Variants in NPAS3 observed in about 807,000 individuals in gnomAD.
NPAS3 encodes the protein neuronal PAS domain-containing protein 3.
NPAS3 carries 14 observed loss-of-function variants against 73.1 expected under a neutral mutation model. That is an observed-to-expected ratio of 0.19 (90% confidence interval 0.13 to 0.30). The LOEUF is 0.30. Ranked by LOEUF, NPAS3 falls within the 10% of genes least tolerant of loss-of-function variation. The probability of loss-of-function intolerance (pLI) is 1.00; values close to 1 mark genes in which losing one functional copy is unlikely to be tolerated. For missense variants in NPAS3, 1,096 were observed against 1,250.0 expected, an observed-to-expected ratio of 0.88 and a Z score of 1.86; for synonymous variants, 620 against 541.5, an observed-to-expected ratio of 1.14 and a Z score of -2.01.
At chr14:33,602,562 C>T (rs541602616) in intron 5 of NPAS3, among the ~76,000 whole-genome samples, 3 of 152,314 alleles carry the variant, frequency 2.0e-5, no homozygotes, top group African/African-American at 7.2e-5. Context: ...TCTTGCGCTG[C>T]AGCAGAAGGG....
At chr14:33,662,126 A>C (rs2059325641) in intron 5 of NPAS3, among the ~76,000 whole-genome samples, 1 of 152,198 alleles carries the variant, frequency 6.6e-6, no homozygotes, top group African/African-American at 2.4e-5. Flanking sequence ...TCACAACCTA[A>C]AGCAAAACTT....
intron 2 of NPAS3, among the ~76,000 whole-genome samples, chr14:33,161,700 A>G (rs1351972737): frequency 6.6e-6 from 1 of 152,224 alleles, no homozygotes; most frequent in African/African-American, 2.4e-5. Context: ...CTTGTAGCCA[A>G]GCGGTACAGG....
intron 3 of NPAS3, among the ~76,000 whole-genome samples, chr14:33,332,732 G>A (rs1267013231): frequency 6.6e-6 from 1 of 152,118 alleles, no homozygotes; most frequent in Admixed American, 6.5e-5. Flanking sequence ...ATGGCTGGAT[G>A]GCATCATGCC....
chr14:33,131,175 C>G (rs2139106944), intron 2 of NPAS3, among the ~76,000 whole-genome samples: 1 of 152,110 alleles, frequency 6.6e-6, no homozygotes, highest in South Asian at 2.1e-4. Flanking sequence ...CTTTTTTCCT[C>G]AAGGAAAAAC....
At chr14:33,206,459 G>A (rs1261427517) in intron 2 of NPAS3, among the ~76,000 whole-genome samples, 1 of 152,110 alleles carries the variant, frequency 6.6e-6, no homozygotes, top group Non-Finnish European at 1.5e-5. Context: ...GGGGATGGGT[G>A]TAGAAAGTTG....
chr14:33,008,812 C>G (rs2039088049), intron 1 of NPAS3, among the ~76,000 whole-genome samples: 1 of 152,052 alleles, frequency 6.6e-6, no homozygotes, highest in Non-Finnish European at 1.5e-5. Flanking sequence ...AATAACTTAG[C>G]AAAGGTAATA....
intron 2 of NPAS3, among the ~76,000 whole-genome samples, chr14:33,150,030 T>A (rs113051850): frequency 0.18 from 28,047 of 152,024 alleles, 2,679 homozygotes; most frequent in East Asian, 0.23. Context: ...AGTGAGAACA[T>A]GCAGTGTTTG....
intron 3 of NPAS3, among the ~76,000 whole-genome samples, chr14:33,286,422 TA>T (rs1040509676): frequency 6.6e-6 from 1 of 152,202 alleles, no homozygotes; most frequent in Non-Finnish European, 1.5e-5. Context: ...ATAGTTGTTT[TA>T]AAAAAATTCC....
intron 5 of NPAS3, among the ~76,000 whole-genome samples, chr14:33,656,041 TC>T (rs1397527257): frequency 6.6e-6 from 1 of 152,218 alleles, no homozygotes; most frequent in African/African-American, 2.4e-5. Flanking sequence ...CAGATGCCTC[TC>T]TTGTCTCTAT....
At chr14:33,293,603 G>C (rs540113988) in intron 3 of NPAS3, among the ~76,000 whole-genome samples, 2 of 152,252 alleles carry the variant, frequency 1.3e-5, no homozygotes, top group East Asian at 3.9e-4. Context: ...CTAATACAAC[G>C]CTGAGTAATA....
At chr14:33,771,915 A>G (rs1441698616) in intron 7 of NPAS3, among the ~76,000 whole-genome samples, 3 of 152,222 alleles carry the variant, frequency 2.0e-5, no homozygotes, top group African/African-American at 7.2e-5. Context: ...CAAGACATGG[A>G]AACATAGTTC....
At chr14:32,948,323 T>C (rs1394108266) in intron 1 of NPAS3, among the ~76,000 whole-genome samples, 4 of 152,140 alleles carry the variant, frequency 2.6e-5, no homozygotes, top group African/African-American at 9.7e-5. Flanking sequence ...GTAGATATAT[T>C]GCATCCTAAT....
At chr14:33,187,835 C>T (rs966785204) in intron 2 of NPAS3, among the ~76,000 whole-genome samples, 1 of 152,180 alleles carries the variant, frequency 6.6e-6, no homozygotes, top group African/African-American at 2.4e-5. Flanking sequence ...TTAATCATCA[C>T]GGCAACTATA....
chr14:32,960,116 A>C (rs17099759), intron 1 of NPAS3, among the ~76,000 whole-genome samples: 46,006 of 151,818 alleles, frequency 0.3, 7,496 homozygotes, highest in African/African-American at 0.4. Flanking sequence ...TGATAGTAAT[A>C]AAACATGTGG....
chr14:33,548,955 T>C (rs970327026), intron 4 of NPAS3, among the ~76,000 whole-genome samples: 9 of 152,256 alleles, frequency 5.9e-5, no homozygotes, highest in Admixed American at 1.3e-4. Context: ...GACATGTATA[T>C]GGTAGCATTA....
chr14:33,057,418 T>G (rs2138545846), intron 2 of NPAS3, among the ~76,000 whole-genome samples: 1 of 152,362 alleles, frequency 6.6e-6, no homozygotes, highest in African/African-American at 2.4e-5. Context: ...TGAAAAATCC[T>G]TTTGTTGTAT....
chr14:33,472,322 G>A (rs1209966610), intron 4 of NPAS3, among the ~76,000 whole-genome samples: 1 of 152,138 alleles, frequency 6.6e-6, no homozygotes, highest in African/African-American at 2.4e-5. Flanking sequence ...GGTTTTGCAG[G>A]ATGTAGGGGG....
intron 2 of NPAS3, among the ~76,000 whole-genome samples, chr14:33,172,246 C>T (rs954345610): frequency 6.6e-6 from 1 of 152,162 alleles, no homozygotes; most frequent in Non-Finnish European, 1.5e-5. Flanking sequence ...TGTAAGGTTG[C>T]CACAAACCTT....
rs553772960 is a variant in NPAS3, at chr14:33,097,185, C to T, written c.140+41191C>T. ...CTGAGCCCAGGAATTTGAGACCAGCCTGTGCAACGTGGTAAGACATCATCT... is the reference window on the plus strand; with the variant it reads ...CTGAGCCCAGGAATTTGAGACCAGCTTGTGCAACGTGGTAAGACATCATCT... On this transcript the variant is annotated intron_variant, in intron 2 of 11. Transcript: ENST00000356141. Among the ~76,000 whole-genome samples the T allele has an allele frequency of 5.3e-5, 8 of 152,028 alleles. No homozygotes were observed. The South Asian group carries it at 1.7e-3, about 32-fold the overall frequency.
Sources: allele counts gnomAD v4.1 joint callset (sites outside exome capture counted in the v4.1 genomes callset), GRCh38; gene constraint gnomAD v4.1.1; transcripts MANE v1.5; gene names NCBI Gene and HGNC (gene_info 2026-07-23, HGNC 2026-07-21).